The following MMP11 variants were observed in gnomAD, a reference collection of about 807,000 sequenced individuals.
The protein encoded by MMP11 is matrix metallopeptidase 11.
A neutral mutation model predicts 49.5 loss-of-function variants in MMP11; 26 were observed. The observed-to-expected ratio is 0.52, with a 90% CI of 0.38 to 0.73. The LOEUF is 0.73. Among genes scored for constraint, MMP11 ranks in the 30% least tolerant of loss-of-function variants. MMP11 has a pLI of 0.00. For missense variants in MMP11, 624 were observed against 671.2 expected (o/e 0.93, Z 0.78); for synonymous variants, 265 against 282.3 (o/e 0.94, Z 0.62).
intron 7 of MMP11, among the ~76,000 whole-genome samples, chr22:23,782,885 C>A (rs1015625422): frequency 5.3e-5 from 8 of 152,114 alleles, no homozygotes; most frequent in African/African-American, 1.9e-4. Context: ...CCTGGACTAC[C>A]CTGGTGGTCC....
At chr22:23,777,124 T>C (rs1369574839) in intron 1 of MMP11, among the ~76,000 whole-genome samples, 2 of 140,030 alleles carry the variant, frequency 1.4e-5, no homozygotes, top group African/African-American at 2.6e-5. Flanking sequence ...GCTAAGTACT[T>C]ATTAACAATA....
intron 1 of MMP11, 36 bp downstream of exon 1, chr22:23,773,014 A>G: frequency 8.6e-7 from 1 of 1,159,826 alleles, no homozygotes; most frequent in Non-Finnish European, 1.1e-6. Flanking sequence ...CTCCTCGCTG[A>G]GGGGGCGCCG....
In MMP11 at chr22:23,781,257, T is replaced by C. The variant is rs761207873; in HGVS notation, c.923T>C (p.Leu308Pro). 2.5e-6 allele frequency: 4 copies of C among 1,611,832 alleles called. No homozygotes were observed. Among genetic ancestry groups the C allele is most frequent in the Non-Finnish European group, 3.4e-6 (4 of 1,180,028 alleles). ...GCGGTCTCCACCATCCGAGGCGAGC[T>C]CTTTTTCTTCAAAGCGGGCTTTGTG... ...FDAVSTIRGE[L>P]FFFKAGFVWR... Residue 308 changes from leucine to proline, a missense_variant, in exon 6 of 8, where the codon CTC becomes CCC. Coordinates refer to ENST00000215743, the MANE Select transcript of MMP11 (RefSeq NM_005940.5).
chr22:23,777,455 T>C (rs1404151141), intron 1 of MMP11, among the ~76,000 whole-genome samples: 1 of 151,420 alleles, frequency 6.6e-6, no homozygotes. Context: ...CAGTCCCAGC[T>C]ACTCAGGAGG....
chr22:23,775,978 T>C (rs1569155055), intron 1 of MMP11, among the ~76,000 whole-genome samples: 1 of 152,204 alleles, frequency 6.6e-6, no homozygotes, highest in Non-Finnish European at 1.5e-5. Context: ...AAGTTGAGGC[T>C]AAGAGAGGAA....
Position 23,780,433 on chromosome 22 carries a change from G to T in MMP11, c.413G>T (p.Ser138Ile), listed in dbSNP as rs1239683216. Residue 138 changes from serine (S) to isoleucine (I), a missense_variant, in exon 3 of 8, where the codon AGC becomes ATC. Ser to Ile is a moderately radical substitution (Grantham distance 142). Transcript: ENST00000215743. The surrounding 1 kb of genome is among the most constrained non-coding windows in gnomAD (Gnocchi z 4.6). ...ATGGCAGAGGCCCTAAAGGTATGGA[G>T]CGATGTGACGCCACTCACCTTTACT... The part of the protein sequence containing the change: ...QTMAEALKVW[S>I]DVTPLTFTEV... 1.2e-6 allele frequency: 2 copies of T among 1,614,054 alleles called. No individual in the cohort carries two copies. Among genetic ancestry groups the T allele is most frequent in the Non-Finnish European group, 1.7e-6 (2 of 1,180,030 alleles).
Position 23,784,167 on chromosome 22 carries a change from A to G in MMP11, c.*623A>G, listed in dbSNP as rs577359643. The G allele has an allele frequency of 1.9e-5, 3 of 156,618 alleles. No individual in the cohort carries two copies. Among genetic ancestry groups the G allele is most frequent in the Non-Finnish European group, 2.9e-5 (2 of 70,150 alleles). 9.7% of individuals were successfully genotyped at this position (156,618 alleles called of 1,614,324 possible). ...GCCCTGGAGGCTGCAACATACCTCA[A>G]TCCTGTCCCAGGCCGGATCCTCCTG... On this transcript the variant is annotated 3_prime_UTR_variant, in exon 8 of 8. Transcript: ENST00000215743.
chr22:23,780,563 C>T lies in MMP11; in HGVS notation c.483-19C>T, dbSNP rs28363660. ...CTCGCCTGCCAGCAGCCACTGACCC[C>T]GCCCCCACCCATCTGTAGGTACTGG... On this transcript the variant is annotated intron_variant, in intron 3 of 7. Coordinates refer to ENST00000215743, the MANE Select transcript of MMP11 (RefSeq NM_005940.5). This position sits in a 1 kb window ranked among gnomAD's most constrained non-coding sequence, Gnocchi z 4.6. The T allele has an allele frequency of 6.3e-3, 10,102 of 1,610,760 alleles. 378 individuals are homozygous for T. In the South Asian group the frequency reaches 0.078, roughly 12 times the overall value.
In MMP11 at chr22:23,780,462, G is replaced by T; in HGVS notation, c.442G>T (p.Val148Leu). 6.2e-7 allele frequency: 1 copy of T among 1,614,076 alleles called. No individual in the cohort carries two copies. Among genetic ancestry groups the T allele is most frequent in the Non-Finnish European group, 8.5e-7 (1 of 1,180,032 alleles). The part of the protein sequence containing the change: ...SDVTPLTFTE[V>L]HEGRADIMID... ...TGTGACGCCACTCACCTTTACTGAGGTGCACGAGGGCCGTGCTGACATCAT... is the reference window on the plus strand; with the variant it reads ...TGTGACGCCACTCACCTTTACTGAGTTGCACGAGGGCCGTGCTGACATCAT... The change falls in exon 3 of 8, where the codon GTG (valine) becomes TTG (leucine). Residue 148 changes from valine (V) to leucine (L), a missense_variant. Coordinates refer to ENST00000215743, the MANE Select transcript of MMP11 (RefSeq NM_005940.5). This position sits in a 1 kb window ranked among gnomAD's most constrained non-coding sequence, Gnocchi z 4.6.
Position 23,780,375 on chromosome 22 carries a change from T to C in MMP11, c.355T>C (p.Trp119Arg), listed in dbSNP as rs377524765. ...TCCCTCCAGGATCCTTCGGTTCCCA[T>C]GGCAGTTGGTGCAGGAGCAGGTGCG... ...DLTYRILRFP[W>R]QLVQEQVRQT... is the part of the protein sequence containing the mutation. Residue 119 changes from tryptophan to arginine, a missense_variant, in exon 3 of 8, where the codon TGG becomes CGG. Trp to Arg is a moderately radical substitution (Grantham distance 101). Coordinates refer to ENST00000215743, the MANE Select transcript of MMP11 (RefSeq NM_005940.5). The surrounding 1 kb of genome is among the most constrained non-coding windows in gnomAD (Gnocchi z 4.6). 15 of 1,613,204 alleles carry C rather than the reference T, an allele frequency of 9.3e-6. No individual in the cohort carries two copies. Among genetic ancestry groups the C allele is most frequent in the Non-Finnish European group, 1.3e-5 (15 of 1,180,010 alleles).
intron 1 of MMP11, 127 bp downstream of exon 1, chr22:23,773,105 C>G: frequency 2.0e-5 from 20 of 1,009,670 alleles, no homozygotes; most frequent in Non-Finnish European, 2.4e-5. Context: ...ACCCGAAACG[C>G]TTTCTGGTTC....
In MMP11 at chr22:23,780,638, C is replaced by T; in HGVS notation, c.539C>T (p.Ala180Val). 1 of 1,589,978 alleles carries T rather than the reference C, an allele frequency of 6.3e-7. No homozygotes were observed. The highest frequency in any genetic ancestry group is 1.7e-4 in the Middle Eastern group (1 of 5,914). Residue 180 changes from alanine to valine, a missense_variant, in exon 4 of 8, where the codon GCC becomes GTC. Coordinates refer to ENST00000215743, the MANE Select transcript of MMP11 (RefSeq NM_005940.5). The surrounding 1 kb of genome is among the most constrained non-coding windows in gnomAD (Gnocchi z 4.6). The part of the protein sequence containing the change: ...FDGPGGILAH[A>V]FFPKTHREGD... ...GGGCCTGGGGGCATCCTGGCCCATG[C>T]CTTCTTCCCCAAGACTCACCGAGAA...
At chr22:23,777,397 T>G (rs989007190) in intron 1 of MMP11, among the ~76,000 whole-genome samples, 20 of 151,790 alleles carry the variant, frequency 1.3e-4, no homozygotes, top group Admixed American at 1.2e-3. Flanking sequence ...AAATCCCGTT[T>G]CTACTAAAAA....
In MMP11 at chr22:23,782,055, C is replaced by G; in HGVS notation, c.1076-171C>G. ...TTCACTGCCCCAGCTTATCCCAGGC[C>G]TCCCGCTTCCCTCTGCGGGTGGGGT... On this transcript the variant is annotated intron_variant, in intron 6 of 7. Coordinates refer to ENST00000215743, the MANE Select transcript of MMP11 (RefSeq NM_005940.5). 3 of 977,198 alleles carry G rather than the reference C, an allele frequency of 3.1e-6. No homozygotes were observed. The South Asian group carries it at 4.6e-5, about 15-fold the overall frequency. 60.5% of individuals were successfully genotyped at this position (977,198 alleles called of 1,614,324 possible).
chr22:23,773,090 C>T (rs961219287), intron 1 of MMP11, 112 bp downstream of exon 1: 3 of 1,050,984 alleles, frequency 2.9e-6, no homozygotes, highest in African/African-American at 1.7e-5. Context: ...CCTCCAGCGC[C>T]CGGTACCCGA....
Position 23,779,130 on chromosome 22 carries a change from CTG to C in MMP11, c.109-54_109-53del. The C allele has an allele frequency of 2.2e-6, 3 of 1,366,866 alleles. No homozygotes were observed. The East Asian group carries it at 7.5e-5, about 34-fold the overall frequency. The allele number at this position is 1,366,866 out of a possible 1,614,324, so 84.7% of individuals were successfully genotyped here. On this transcript the variant is annotated intron_variant, in intron 1 of 7. Coordinates refer to ENST00000215743, the MANE Select transcript of MMP11 (RefSeq NM_005940.5). ...GTTTGCTGACAGGCCACATCTCTAA[CTG>C]TGGGCCATGTGGACCTTAGGCCTGA...
At chr22:23,777,058 C>T (rs574427756) in intron 1 of MMP11, among the ~76,000 whole-genome samples, 75 of 150,490 alleles carry the variant, frequency 5.0e-4, no homozygotes, top group Non-Finnish European at 8.6e-4. Context: ...CCGCCTGCCT[C>T]GGCCTCCCAA....
intron 1 of MMP11, among the ~76,000 whole-genome samples, chr22:23,773,392 C>T (rs1927304526): frequency 6.6e-6 from 1 of 152,190 alleles, no homozygotes; most frequent in Non-Finnish European, 1.5e-5. Context: ...GCAGTTAGTA[C>T]ACCTCCAGGT....
chr22:23,782,392 C>T lies in MMP11; in HGVS notation c.1242C>T (p.Ser414=). The T allele has an allele frequency of 1.9e-6, 3 of 1,613,968 alleles. No homozygotes were observed. The highest frequency in any genetic ancestry group is 2.5e-6 in the Non-Finnish European group (3 of 1,180,022). Residue 414 remains serine (S), a synonymous_variant, in exon 7 of 8, where the codon AGC becomes AGT. Transcript: ENST00000215743. The stretch of plus-strand genomic sequence containing the variant: ...GGGACTACTGGCGTTTCCACCCCAG[C>T]ACCCGGCGTGTAGACAGTCCCGTGC... ...RGRDYWRFHP[S]TRRVDSPVPR...
Sources: allele counts gnomAD v4.1 joint callset (sites outside exome capture counted in the v4.1 genomes callset), GRCh38; gene constraint gnomAD v4.1.1; non-coding constraint Gnocchi (gnomAD v3.1); transcripts MANE v1.5; gene names NCBI Gene and HGNC (gene_info 2026-07-23, HGNC 2026-07-21).